The following RHBDF2 variants were observed in gnomAD, a reference collection of about 807,000 sequenced individuals.
The protein encoded by RHBDF2 is rhomboid 5 homolog 2.
RHBDF2 carries 38 observed loss-of-function variants against 95.2 expected under a neutral mutation model. The ratio of observed to expected loss-of-function variants is 0.40; its 90% CI spans 0.31 to 0.52. RHBDF2 has a LOEUF of 0.52. RHBDF2 is among the 20% of genes least tolerant of loss of function. The pLI, the probability that RHBDF2 is intolerant of heterozygous loss-of-function variation, is 0.56. For synonymous variants in RHBDF2, 442 were observed against 462.0 expected (o/e 0.96, Z 0.55); for missense variants, 863 against 1,137.7 (o/e 0.76, Z 3.47).
Position 76,471,869 on chromosome 17 carries a change from T to C in RHBDF2, c.2248A>G (p.Ser750Gly). The change falls in exon 19 of 19, where the codon AGT becomes GGT. Residue 750 changes from serine to glycine, a missense_variant. Ser to Gly is a moderately conservative substitution (Grantham distance 56). This residue lies in a region of RHBDF2 where 252 missense variants were observed against 412.2 expected (regional missense o/e 0.61). Coordinates refer to ENST00000675367, the MANE Select transcript of RHBDF2 (RefSeq NM_001005498.4). Reference protein sequence around the residue: ...DNIAHIFGFLSGLLLAFAFLP... With the variant: ...DNIAHIFGFLGGLLLAFAFLP... Reference sequence around the variant, plus strand: ...AAGGCGAAGGCCAGCAGCAGGCCACTGAGGAAGCCGAAGATGTGGGCGATG... The same window carrying C: ...AAGGCGAAGGCCAGCAGCAGGCCACCGAGGAAGCCGAAGATGTGGGCGATG... The C allele has an allele frequency of 6.3e-7, 1 of 1,587,658 alleles. No homozygotes were observed. The highest frequency in any genetic ancestry group is 8.6e-7 in the Non-Finnish European group (1 of 1,166,938).
intron 2 of RHBDF2, 44 bp downstream of exon 2, chr17:76,487,667 CA>C (rs2074178798): frequency 6.6e-6 from 1 of 152,372 alleles, no homozygotes; most frequent in South Asian, 2.1e-4. Context: ...GTGGGCACAG[CA>C]GCCAGCGCCC....
chr17:76,472,115 AC>A, intron 18 of RHBDF2, 63 bp from the exon 19 acceptor site: 1 of 1,440,524 alleles, frequency 6.9e-7, no homozygotes, highest in South Asian at 1.4e-5. Context: ...CCGGGCCTGC[AC>A]CCTGGGTCAT....
intron 2 of RHBDF2, among the ~76,000 whole-genome samples, chr17:76,483,931 G>A (rs948844932): frequency 2.6e-5 from 4 of 151,994 alleles, no homozygotes; most frequent in Admixed American, 6.6e-5. Context: ...TCTTCGTTTC[G>A]TCTCTTGCTC....
Position 76,473,740 on chromosome 17 carries a change from G to A in RHBDF2, c.1641C>T (p.Ile547=), listed in dbSNP as rs1390574541. 1.2e-6 allele frequency: 2 copies of A among 1,611,910 alleles called. No homozygotes were observed. The highest frequency in any genetic ancestry group is 1.3e-5 in the African/African-American group (1 of 75,028). ...GGTTGCTCCTGGCCTGCTCTGTGCA[G>A]ATCTGCCAGGAGGGGGCACCGGCAG... ...IWPDDITKWP[I]CTEQARSNHT... The change falls in exon 15 of 19, where the codon ATC becomes ATT. Residue 547 remains isoleucine, a splice_region_variant and synonymous_variant. Transcript: ENST00000675367.
Position 76,475,010 on chromosome 17 carries a change from T to G in RHBDF2, c.1227+20A>C. Reference sequence around the variant, plus strand: ...CTAGGAGAGGCTGGGACCCCCAGCATGGAGCCTGACCCGACTCACCAGCTG... The same window carrying G: ...CTAGGAGAGGCTGGGACCCCCAGCAGGGAGCCTGACCCGACTCACCAGCTG... On this transcript the variant is annotated intron_variant, in intron 10 of 18. Coordinates refer to ENST00000675367, the MANE Select transcript of RHBDF2 (RefSeq NM_001005498.4). The G allele has an allele frequency of 6.4e-7, 1 of 1,555,026 alleles. No homozygotes were observed. The highest frequency in any genetic ancestry group is 1.7e-4 in the Middle Eastern group (1 of 5,970).
intron 1 of RHBDF2, among the ~76,000 whole-genome samples, chr17:76,497,252 A>G (rs1317623393): frequency 1.3e-5 from 2 of 152,110 alleles, no homozygotes; most frequent in African/African-American, 4.8e-5. Context: ...TCCCAGCCCC[A>G]GGAACCTACG....
chr17:76,471,456 TAACC>T lies in RHBDF2; in HGVS notation c.*173_*176del. On this transcript the variant is annotated 3_prime_UTR_variant, in exon 19 of 19. Coordinates refer to ENST00000675367, the MANE Select transcript of RHBDF2 (RefSeq NM_001005498.4). The stretch of plus-strand genomic sequence containing the variant: ...CTCACGCCCCAGAAAAACCCCGCCT[TAACC>T]AACCATCTCACGCGGAGTCAGCCTC... The T allele has an allele frequency of 1.4e-6, 1 of 691,188 alleles. No individual in the cohort carries two copies. The highest frequency in any genetic ancestry group is 2.4e-6 in the Non-Finnish European group (1 of 423,980). The allele number at this position is 691,188 out of a possible 1,614,324, so 42.8% of individuals were successfully genotyped here.
chr17:76,488,904 C>T (rs138127474), intron 1 of RHBDF2, among the ~76,000 whole-genome samples: 3,756 of 152,018 alleles, frequency 0.025, 159 homozygotes, highest in African/African-American at 0.083. Context: ...GCCAAGATCG[C>T]GCCATTGTAC....
chr17:76,471,661 T>C lies in RHBDF2; in HGVS notation c.2456A>G (p.Lys819Arg), dbSNP rs1259808615. The change falls in exon 19 of 19, where the codon AAG (lysine) becomes AGG (arginine). Residue 819 changes from lysine (K) to arginine (R), a missense_variant. Lys to Arg is a conservative substitution (Grantham distance 26, BLOSUM62 2). Coordinates refer to ENST00000675367, the MANE Select transcript of RHBDF2 (RefSeq NM_001005498.4). ...GTGCAGCACCTGGTCCAGCTCATAC[T>C]TCTCGCAGAAGCGGCTGGTGAAGGG... ...CFPFTSRFCE[K>R]YELDQVLH The C allele has an allele frequency of 6.2e-7, 1 of 1,608,586 alleles. No homozygotes were observed. Among genetic ancestry groups the C allele is most frequent in the Non-Finnish European group, 8.5e-7 (1 of 1,177,454 alleles).
chr17:76,496,084 G>A (rs1235346994), intron 1 of RHBDF2, among the ~76,000 whole-genome samples: 2 of 152,148 alleles, frequency 1.3e-5, no homozygotes, highest in African/African-American at 2.4e-5. Flanking sequence ...TACCTGCTGG[G>A]AGACTTTGGG....
intron 1 of RHBDF2, among the ~76,000 whole-genome samples, chr17:76,489,639 G>A (rs1252598834): frequency 6.6e-6 from 1 of 152,208 alleles, no homozygotes; most frequent in Non-Finnish European, 1.5e-5. Context: ...TTGTTTTTAA[G>A]AAGTCCTGCC....
intron 8 of RHBDF2, 37 bp downstream of exon 8, chr17:76,477,143 G>A: frequency 1.9e-6 from 3 of 1,610,916 alleles, no homozygotes; most frequent in Non-Finnish European, 1.7e-6. Flanking sequence ...CCAGGCTGGT[G>A]GCTGGCCTGG....
intron 9 of RHBDF2, chr17:76,476,560 ATT>A (rs984130865): frequency 4.4e-6 from 2 of 457,274 alleles, no homozygotes; most frequent in South Asian, 3.1e-5. Flanking sequence ...CTCAATGAAC[ATT>A]TGTTGACTGA....
At position 76,474,318 on chromosome 17, in the gene RHBDF2, G is replaced by A. The variant is rs2073693180; in HGVS notation, c.1464+55C>T. 5 of 1,582,932 alleles carry A rather than the reference G, an allele frequency of 3.2e-6. No homozygotes were observed. The South Asian group carries it at 5.5e-5, about 17-fold the overall frequency. On this transcript the variant is annotated intron_variant, in intron 12 of 18. Coordinates refer to ENST00000675367, the MANE Select transcript of RHBDF2 (RefSeq NM_001005498.4). ...ACTGCCCTTGAAGGACAGGGCAAGT[G>A]GAGCTAGTCCGGGACCAGGGTCTGG... is the stretch of plus-strand genomic sequence containing the variant.
Position 76,472,695 on chromosome 17 carries a change from G to A in RHBDF2, c.2055C>T (p.Tyr685=). ...GNLASAIFLP[Y]RAEVGPAGSQ... ...TCCTCCACATCCTTACCTCTGCCCG[G>A]TATGGGAGAAAGATGGCACTGGCGA... The change falls in exon 18 of 19, where the codon TAC becomes TAT. Residue 685 remains tyrosine (Y), a synonymous_variant. Transcript: ENST00000675367. 1 of 1,614,058 alleles carries A rather than the reference G, an allele frequency of 6.2e-7. No homozygotes were observed. Among genetic ancestry groups the A allele is most frequent in the South Asian group, 1.1e-5 (1 of 91,086 alleles).
At chr17:76,495,487 A>G (rs887959415) in intron 1 of RHBDF2, among the ~76,000 whole-genome samples, 2 of 152,230 alleles carry the variant, frequency 1.3e-5, no homozygotes, top group African/African-American at 2.4e-5. Flanking sequence ...CAGTTTGTGT[A>G]TGCATAAGAT....
intron 1 of RHBDF2, among the ~76,000 whole-genome samples, chr17:76,489,081 G>A (rs533168001): frequency 1.3e-5 from 2 of 152,062 alleles, no homozygotes; most frequent in South Asian, 2.1e-4. Flanking sequence ...AGCCGAGATC[G>A]CGCCACTGCA....
In RHBDF2 at chr17:76,471,684, G is replaced by A; in HGVS notation, c.2433C>T (p.Pro811=). 1 of 1,610,354 alleles carries A rather than the reference G, an allele frequency of 6.2e-7. No homozygotes were observed. The highest frequency in any genetic ancestry group is 8.5e-7 in the Non-Finnish European group (1 of 1,178,596). ...WPWIEHLTCF[P]FTSRFCEKYE... is the part of the protein sequence containing the mutation. ...ACTTCTCGCAGAAGCGGCTGGTGAA[G>A]GGGAAGCAGGTGAGGTGCTCGATCC... The change falls in exon 19 of 19, where the codon CCC becomes CCT. Residue 811 remains proline, a synonymous_variant. Transcript: ENST00000675367.
chr17:76,473,607 G>A (rs1369410142), intron 15 of RHBDF2, 41 bp downstream of exon 15: 1 of 1,519,740 alleles, frequency 6.6e-7, no homozygotes, highest in South Asian at 1.2e-5. Context: ...GCAGCTCGGG[G>A]GGGCAGTGGG....
Sources: allele counts gnomAD v4.1 joint callset (sites outside exome capture counted in the v4.1 genomes callset), GRCh38; gene constraint gnomAD v4.1.1; regional missense constraint gnomAD v4.1.1; transcripts MANE v1.5; gene names NCBI Gene and HGNC (gene_info 2026-07-23, HGNC 2026-07-21).